Variants in PALM2AKAP2 observed in about 807,000 individuals in gnomAD.
PALM2AKAP2 encodes the protein PALM2 and AKAP2 fusion.
In PALM2AKAP2, 37 loss-of-function variants were observed where a neutral mutation model predicts 71.5. The observed-to-expected ratio is 0.52, with a 90% CI of 0.40 to 0.68. PALM2AKAP2 has a LOEUF of 0.68. Among genes scored for constraint, PALM2AKAP2 ranks in the 30% least tolerant of loss-of-function variants. The pLI is 0.00. For missense variants in PALM2AKAP2, 1,224 were observed against 1,191.8 expected, an observed-to-expected ratio of 1.03 and a Z score of -0.40; for synonymous variants, 468 against 478.8, an observed-to-expected ratio of 0.98 and a Z score of 0.29.
chr9:110,136,888 G>C, exon 2 of PALM2AKAP2: 2 of 1,614,206 alleles, frequency 1.2e-6, no homozygotes, highest in Non-Finnish European at 1.7e-6. Context: ...AGATGCTGGA[G>C]CTGGAAAAGG....
intron 1 of PALM2AKAP2, among the ~76,000 whole-genome samples, chr9:110,102,711 G>C (rs1250235727): frequency 6.6e-6 from 1 of 151,912 alleles, no homozygotes; most frequent in Non-Finnish European, 1.5e-5. Context: ...GTCACTATTA[G>C]GACAGAAAAA....
chr9:109,680,730 T>C (rs558580258), intron 1 of PALM2AKAP2, among the ~76,000 whole-genome samples: 4 of 152,336 alleles, frequency 2.6e-5, no homozygotes, highest in East Asian at 3.9e-4. Context: ...GTGTGCATAA[T>C]AGTTATTTTA....
At chr9:110,065,534 A>G (rs561930820) in intron 1 of PALM2AKAP2, among the ~76,000 whole-genome samples, 71 of 152,254 alleles carry the variant, frequency 4.7e-4, no homozygotes, top group Non-Finnish European at 8.8e-4. Flanking sequence ...CCTGTTTTTC[A>G]TTTTAATTGT....
At chr9:109,896,189 A>G in intron 3 of PALM2AKAP2, among the ~76,000 whole-genome samples, 1 of 151,662 alleles carries the variant, frequency 6.6e-6, no homozygotes, top group Admixed American at 6.6e-5. Context: ...CCGTCTCAAA[A>G]AGAAAAAGAA....
intron 6 of PALM2AKAP2, among the ~76,000 whole-genome samples, chr9:109,952,266 A>G (rs986231690): frequency 6.6e-6 from 1 of 152,222 alleles, no homozygotes; most frequent in African/African-American, 2.4e-5. Context: ...CCTGGCCTCA[A>G]ACAGGGCCTG....
intron 1 of PALM2AKAP2, among the ~76,000 whole-genome samples, chr9:109,795,088 A>G (rs564868923): frequency 1.6e-4 from 25 of 152,338 alleles, no homozygotes; most frequent in Admixed American, 6.5e-4. Flanking sequence ...ACACTTTGGG[A>G]TAGATAATTT....
intron 6 of PALM2AKAP2, among the ~76,000 whole-genome samples, chr9:110,000,447 A>C (rs1024741443): frequency 2.6e-5 from 4 of 152,230 alleles, no homozygotes; most frequent in East Asian, 3.9e-4. Context: ...AGTCTTTGCT[A>C]TTGTGAATAC....
At chr9:109,685,848 C>G (rs779122825) in intron 1 of PALM2AKAP2, among the ~76,000 whole-genome samples, 1 of 152,096 alleles carries the variant, frequency 6.6e-6, no homozygotes, top group Non-Finnish European at 1.5e-5. Context: ...GCATGCAATG[C>G]TGTTCGATAG....
At position 110,006,864 on chromosome 9, in the gene PALM2AKAP2, C is replaced by T. The variant is rs116260658; in HGVS notation, c.497-9090C>T. On this transcript the variant is annotated intron_variant, in intron 6 of 9. Coordinates refer to the PALM2AKAP2 transcript ENST00000302798. ...GATCCTGTTTCATTCCTTTTTTCAT[C>T]CTCCAGGTGGCCACATCCTCAGGGA... Among the ~76,000 whole-genome samples, 1,385 of 152,122 alleles carry T rather than the reference C, an allele frequency of 9.1e-3. 25 individuals carry two copies. Among genetic ancestry groups the T allele is most frequent in the African/African-American group, 0.031 (1,299 of 41,512 alleles).
intron 1 of PALM2AKAP2, among the ~76,000 whole-genome samples, chr9:110,072,014 C>A (rs946827669): frequency 3.9e-5 from 6 of 152,122 alleles, no homozygotes; most frequent in African/African-American, 1.2e-4. Context: ...AGTAGTAGTT[C>A]ATATTATTAA....
At chr9:109,707,276 C>T (rs933507192) in intron 1 of PALM2AKAP2, among the ~76,000 whole-genome samples, 3 of 152,086 alleles carry the variant, frequency 2.0e-5, no homozygotes, top group African/African-American at 7.2e-5. Flanking sequence ...TGCCCCCCTA[C>T]CACCACCATT....
At chr9:109,889,729 C>T (rs950401173) in intron 3 of PALM2AKAP2, among the ~76,000 whole-genome samples, 2 of 152,214 alleles carry the variant, frequency 1.3e-5, no homozygotes, top group Non-Finnish European at 2.9e-5. Flanking sequence ...CCAGAGTCAT[C>T]GTGCCTCGCT....
chr9:110,010,712 C>A (rs1832865744), intron 6 of PALM2AKAP2, among the ~76,000 whole-genome samples: 3 of 147,952 alleles, frequency 2.0e-5, no homozygotes, highest in Admixed American at 6.8e-5. Flanking sequence ...AATGTATATA[C>A]TTTTGGGCTG....
chr9:110,069,149 G>A (rs1489600745), intron 1 of PALM2AKAP2, among the ~76,000 whole-genome samples: 1 of 152,126 alleles, frequency 6.6e-6, no homozygotes, highest in South Asian at 2.1e-4. Context: ...AACCCATTGA[G>A]TTATTCCACC....
At chr9:109,834,149 G>A (rs867106560) in intron 1 of PALM2AKAP2, among the ~76,000 whole-genome samples, 2 of 152,248 alleles carry the variant, frequency 1.3e-5, no homozygotes, top group Non-Finnish European at 2.9e-5. Context: ...GGAGGTGGAT[G>A]TTGCAGTGAG....
At chr9:109,749,334 T>C (rs1336814204) in intron 1 of PALM2AKAP2, among the ~76,000 whole-genome samples, 2 of 152,082 alleles carry the variant, frequency 1.3e-5, no homozygotes, top group Admixed American at 6.6e-5. Context: ...TAGAACCACT[T>C]TCCTGGGCCT....
chr9:110,067,282 A>G (rs1834101479), intron 1 of PALM2AKAP2, among the ~76,000 whole-genome samples: 1 of 152,350 alleles, frequency 6.6e-6, no homozygotes, highest in South Asian at 2.1e-4. Context: ...CATTTTTCTA[A>G]CAATGATAAT....
chr9:109,839,379 C>T (rs544961894), intron 1 of PALM2AKAP2, among the ~76,000 whole-genome samples: 5 of 152,264 alleles, frequency 3.3e-5, no homozygotes, highest in Admixed American at 6.5e-5. Flanking sequence ...ATTGATGGGA[C>T]GTATCTCAAA....
At chr9:110,117,917 A>C (rs1481063823) in intron 1 of PALM2AKAP2, among the ~76,000 whole-genome samples, 1 of 151,732 alleles carries the variant, frequency 6.6e-6, no homozygotes, top group Non-Finnish European at 1.5e-5. Context: ...CAAACTATGT[A>C]TATAGAATAA....
Sources: gnomAD v4.1 joint callset for allele counts (sites outside exome capture counted in the v4.1 genomes callset) on GRCh38, gnomAD v4.1.1 for gene constraint, MANE v1.5 for transcripts, NCBI Gene and HGNC (gene_info 2026-07-23, HGNC 2026-07-21) for gene names.